CAMK2D: variants seen among roughly 807,000 people sequenced by gnomAD.
CAMK2D encodes calcium/calmodulin dependent protein kinase II delta.
CAMK2D carries 37 observed loss-of-function variants against 84.0 expected under a neutral mutation model. The ratio of observed to expected loss-of-function variants is 0.44; its 90% CI spans 0.34 to 0.58. CAMK2D has a LOEUF of 0.58. CAMK2D is among the 20% of genes least tolerant of loss of function. The probability of loss-of-function intolerance (pLI) is 0.02; values close to 1 mark genes in which losing one functional copy is unlikely to be tolerated. For missense variants in CAMK2D, 448 were observed against 652.5 expected, an observed-to-expected ratio of 0.69 and a Z score of 3.41; for synonymous variants, 202 against 212.5, an observed-to-expected ratio of 0.95 and a Z score of 0.43.
At chr4:113,734,970 C>G (rs71604985) in intron 2 of CAMK2D, among the ~76,000 whole-genome samples, 1 of 149,214 alleles carries the variant, frequency 6.7e-6, no homozygotes, top group African/African-American at 2.4e-5. Context: ...TGGCAAACTT[C>G]TAAATTTATA....
chr4:113,753,020 C>G (rs2099620867), intron 2 of CAMK2D, among the ~76,000 whole-genome samples: 1 of 152,002 alleles, frequency 6.6e-6, no homozygotes, highest in African/African-American at 2.4e-5. Context: ...TAAGATAAGT[C>G]CTCTCTAATA....
At chr4:113,515,751 C>G (rs1243050407) in intron 9 of CAMK2D, among the ~76,000 whole-genome samples, 1 of 152,196 alleles carries the variant, frequency 6.6e-6, no homozygotes, top group Non-Finnish European at 1.5e-5. Context: ...TGAGAAGAAT[C>G]TGAGACTACA....
At chr4:113,514,041 A>T (rs371456474) in intron 10 of CAMK2D, 128 bp from the exon 11 acceptor site, 15 of 496,668 alleles carry the variant, frequency 3.0e-5, no homozygotes, top group East Asian at 2.5e-4. Flanking sequence ...CTAAGTATTC[A>T]ATTGCCAAAG....
intron 2 of CAMK2D, among the ~76,000 whole-genome samples, chr4:113,726,094 C>T (rs1397594052): frequency 6.6e-6 from 1 of 152,194 alleles, no homozygotes; most frequent in Non-Finnish European, 1.5e-5. Flanking sequence ...TGAGATCCTT[C>T]TTTATGCCAA....
At chr4:113,460,685 AATAATT>A (rs1466668914) in intron 17 of CAMK2D, among the ~76,000 whole-genome samples, 1 of 151,078 alleles carries the variant, frequency 6.6e-6, no homozygotes, top group African/African-American at 2.4e-5. Flanking sequence ...TAATAATAAT[AATAATT>A]ATTATTATTT....
intron 2 of CAMK2D, among the ~76,000 whole-genome samples, chr4:113,681,798 C>T (rs56703021): frequency 0.12 from 17,584 of 151,748 alleles, 1,830 homozygotes; most frequent in African/African-American, 0.28. Flanking sequence ...GATATTTAAA[C>T]GACAACTGAA....
chr4:113,533,648 T>A (rs2098472002), intron 7 of CAMK2D, among the ~76,000 whole-genome samples: 1 of 151,080 alleles, frequency 6.6e-6, no homozygotes, highest in African/African-American at 2.4e-5. Context: ...TGAACCAAGA[T>A]CTTGGTAGTT....
chr4:113,595,785 A>G (rs1485403028), intron 4 of CAMK2D, among the ~76,000 whole-genome samples: 1 of 152,210 alleles, frequency 6.6e-6, no homozygotes, highest in Non-Finnish European at 1.5e-5. Flanking sequence ...ATGATCATCT[A>G]AGACTTTAGT....
At chr4:113,637,204 T>C (rs376144940) in intron 3 of CAMK2D, among the ~76,000 whole-genome samples, 1 of 152,192 alleles carries the variant, frequency 6.6e-6, no homozygotes, top group African/African-American at 2.4e-5. Flanking sequence ...GCTTTGCTTA[T>C]TGATGTATCA....
chr4:113,609,048 T>C, intron 4 of CAMK2D, 104 bp downstream of exon 4: 1 of 623,994 alleles, frequency 1.6e-6, no homozygotes, highest in Non-Finnish European at 3.0e-6. Context: ...CATTAAAAAA[T>C]ATTGTAGCAG....
intron 2 of CAMK2D, among the ~76,000 whole-genome samples, chr4:113,721,094 A>T (rs2099529295): frequency 6.6e-6 from 1 of 152,174 alleles, no homozygotes; most frequent in African/African-American, 2.4e-5. Flanking sequence ...CGCTACTTCT[A>T]TAAATACCAC....
chr4:113,726,461 AGC>A (rs1273495427), intron 2 of CAMK2D, among the ~76,000 whole-genome samples: 4 of 147,746 alleles, frequency 2.7e-5, no homozygotes, highest in Admixed American at 7.0e-5. Flanking sequence ...GCTCACTGCA[AGC>A]CTCAAACTCC....
intron 2 of CAMK2D, among the ~76,000 whole-genome samples, chr4:113,688,501 G>A (rs936266274): frequency 1.3e-5 from 2 of 152,038 alleles, no homozygotes; most frequent in African/African-American, 4.8e-5. Context: ...TCTAAAATTT[G>A]TGTCTCTAGC....
chr4:113,639,216 TG>T (rs998910159), intron 3 of CAMK2D, among the ~76,000 whole-genome samples: 9 of 151,868 alleles, frequency 5.9e-5, no homozygotes, highest in African/African-American at 2.2e-4. Flanking sequence ...CACTCCAGCC[TG>T]GGCAATAGAG....
chr4:113,596,733 A>C (rs2098928600), intron 4 of CAMK2D, among the ~76,000 whole-genome samples: 2 of 152,170 alleles, frequency 1.3e-5, no homozygotes, highest in African/African-American at 4.8e-5. Context: ...ACCATGATGT[A>C]AACAGATGTG....
intron 2 of CAMK2D, among the ~76,000 whole-genome samples, chr4:113,712,725 C>T (rs2099497775): frequency 6.6e-6 from 1 of 151,834 alleles, no homozygotes; most frequent in Admixed American, 6.6e-5. Context: ...AAACATTTAT[C>T]CACCGCCATG....
chr4:113,701,716 T>C (rs2154348538), intron 2 of CAMK2D, among the ~76,000 whole-genome samples: 1 of 152,208 alleles, frequency 6.6e-6, no homozygotes. Flanking sequence ...TGTTGTTGTT[T>C]TGTTTTTTTT....
At chr4:113,542,451 C>T (rs185668401) in intron 6 of CAMK2D, among the ~76,000 whole-genome samples, 20 of 152,174 alleles carry the variant, frequency 1.3e-4, no homozygotes, top group African/African-American at 4.6e-4. Context: ...CGCTGTGGCT[C>T]GTGCGTGTAA....
chr4:113,591,754 T>C lies in CAMK2D; in HGVS notation c.275+17398A>G, dbSNP rs180988541. Among the ~76,000 whole-genome samples, 367 of 152,312 alleles carry C rather than the reference T, an allele frequency of 2.4e-3. 1 individual carries two copies. Among genetic ancestry groups the C allele is most frequent in the Non-Finnish European group, 4.1e-3 (278 of 68,014 alleles). On this transcript the variant is annotated intron_variant, in intron 4 of 20. Coordinates refer to ENST00000511664, the MANE Select transcript of CAMK2D (RefSeq NM_001321571.2). ...CTCTACATTTCTACAATTTTCCACG[T>C]CTGTCCCCTCTGGGCCTTTGCACAT...
Sources: allele counts gnomAD v4.1 joint callset (sites outside exome capture counted in the v4.1 genomes callset), GRCh38; gene constraint gnomAD v4.1.1; transcripts MANE v1.5; gene names NCBI Gene and HGNC (gene_info 2026-07-23, HGNC 2026-07-21).